Variants in SAMMSON observed in about 807,000 individuals in gnomAD.
SAMMSON encodes survival associated mitochondrial melanoma specific oncogenic non-coding RNA.
At chr3:70,246,846 CT>C (rs1267049788) in intron 4 of SAMMSON, among the ~76,000 whole-genome samples, 2 of 151,938 alleles carry the variant, frequency 1.3e-5, no homozygotes, top group African/African-American at 4.8e-5. Context: ...TAAAACAACC[CT>C]ACCATCTTAA....
intron 4 of SAMMSON, among the ~76,000 whole-genome samples, chr3:70,162,073 C>G (rs983373852): frequency 4.0e-5 from 6 of 151,486 alleles, no homozygotes; most frequent in African/African-American, 1.5e-4. Flanking sequence ...TCAGTGATTC[C>G]AAAAAACAAT....
intron 4 of SAMMSON, among the ~76,000 whole-genome samples, chr3:70,120,904 T>C (rs1276728154): frequency 2.0e-5 from 3 of 152,162 alleles, no homozygotes; most frequent in African/African-American, 4.8e-5. Context: ...GCGCATTACA[T>C]TTATTGTGCA....
chr3:70,153,091 A>G (rs1444104545), intron 4 of SAMMSON, among the ~76,000 whole-genome samples: 1 of 151,920 alleles, frequency 6.6e-6, no homozygotes, highest in South Asian at 2.1e-4. Flanking sequence ...AGTTATATAT[A>G]TTATACACAT....
At chr3:70,242,925 A>G (rs1701676108) in intron 4 of SAMMSON, among the ~76,000 whole-genome samples, 2 of 152,138 alleles carry the variant, frequency 1.3e-5, no homozygotes, top group African/African-American at 4.8e-5. Context: ...CAGGTGGGTA[A>G]AAAACAACCA....
intron 1 of SAMMSON, among the ~76,000 whole-genome samples, chr3:70,005,369 C>T (rs905075432): frequency 7.2e-6 from 1 of 138,434 alleles, no homozygotes; most frequent in Non-Finnish European, 1.6e-5. Flanking sequence ...ATGGGGTGGG[C>T]TGGGCTGGGA....
intron 4 of SAMMSON, among the ~76,000 whole-genome samples, chr3:70,208,180 G>A (rs925167711): frequency 6.6e-6 from 1 of 152,088 alleles, no homozygotes; most frequent in East Asian, 1.9e-4. Context: ...AACAGTCCTC[G>A]TGGTTTGGTG....
At chr3:70,384,190 T>A (rs1232632583) in intron 9 of SAMMSON, among the ~76,000 whole-genome samples, 1 of 152,064 alleles carries the variant, frequency 6.6e-6, no homozygotes, top group African/African-American at 2.4e-5. Context: ...ATTTAATCAA[T>A]CCTTTTCAGT....
At chr3:70,046,381 G>T (rs2067127286) in intron 3 of SAMMSON, among the ~76,000 whole-genome samples, 1 of 152,058 alleles carries the variant, frequency 6.6e-6, no homozygotes, top group Non-Finnish European at 1.5e-5. Flanking sequence ...ACTTTTGAGG[G>T]AAATCATTTT....
intron 6 of SAMMSON, among the ~76,000 whole-genome samples, chr3:70,285,457 T>G (rs1702151082): frequency 1.3e-5 from 2 of 152,064 alleles, no homozygotes; most frequent in Admixed American, 1.3e-4. Flanking sequence ...CAGTCTATCA[T>G]TGTTGGACAT....
intron 3 of SAMMSON, chr3:70,065,186 T>G (rs2067205056): frequency 6.6e-6 from 1 of 152,132 alleles, no homozygotes; most frequent in Non-Finnish European, 1.5e-5. Flanking sequence ...TTTATTATCA[T>G]GTAGTTATTA....
chr3:70,305,789 G>C (rs1321741064), intron 7 of SAMMSON, among the ~76,000 whole-genome samples: 1 of 152,220 alleles, frequency 6.6e-6, no homozygotes, highest in Non-Finnish European at 1.5e-5. Context: ...GTCAATAAAT[G>C]TGGGAAAGAT....
intron 7 of SAMMSON, among the ~76,000 whole-genome samples, chr3:70,301,990 T>C (rs1575620544): frequency 2.6e-5 from 4 of 152,136 alleles, no homozygotes; most frequent in Middle Eastern, 3.2e-3. Context: ...GCAGGGTAGC[T>C]ATTTCATTTC....
chr3:70,274,938 T>C (rs1272725090), intron 6 of SAMMSON, among the ~76,000 whole-genome samples: 2 of 152,158 alleles, frequency 1.3e-5, no homozygotes, highest in African/African-American at 4.8e-5. Flanking sequence ...ATGAGTTATA[T>C]AAAAGTGGGA....
chr3:70,156,657 G>A (rs2067593305), intron 4 of SAMMSON, among the ~76,000 whole-genome samples: 2 of 152,082 alleles, frequency 1.3e-5, no homozygotes, highest in African/African-American at 4.8e-5. Flanking sequence ...GAAAACCTTA[G>A]CAAGAACAGT....
At chr3:70,124,814 C>CAAAAAAAAAAAAAAAAA (rs1208323683) in intron 4 of SAMMSON, among the ~76,000 whole-genome samples, 29 of 53,696 alleles carry the variant, frequency 5.4e-4, no homozygotes, top group Non-Finnish European at 7.1e-4. Context: ...GACTCCATCT[C>CAAAAAAAAAAAAAAAAA]AAAAAAAAAA....
At chr3:70,110,295 A>G (rs146489165) in intron 4 of SAMMSON, among the ~76,000 whole-genome samples, 113 of 152,278 alleles carry the variant, frequency 7.4e-4, no homozygotes, top group Non-Finnish European at 9.6e-4. Context: ...ACAAATGCTG[A>G]TTGTCCTAGA....
chr3:70,127,677 T>C (rs1296854420), intron 4 of SAMMSON: 4 of 152,130 alleles, frequency 2.6e-5, no homozygotes, highest in African/African-American at 4.8e-5. Flanking sequence ...AATCTTGCTC[T>C]GTCACCCAGG....
chr3:70,142,977 T>TA (rs1382796668), intron 4 of SAMMSON, among the ~76,000 whole-genome samples: 2 of 152,096 alleles, frequency 1.3e-5, no homozygotes, highest in African/African-American at 4.8e-5. Flanking sequence ...CAAGTGATGA[T>TA]AAAAAAAGAC....
intron 4 of SAMMSON, chr3:70,196,994 C>T (rs1321640766): frequency 2.5e-6 from 1 of 398,410 alleles, no homozygotes; most frequent in Non-Finnish European, 4.4e-6. Flanking sequence ...TGGCAAGATT[C>T]AAAAAGGCTG....
Sources: gnomAD v4.1 joint callset for allele counts (sites outside exome capture counted in the v4.1 genomes callset) on GRCh38, gnomAD v4.1.1 for gene constraint, MANE v1.5 for transcripts, NCBI Gene and HGNC (gene_info 2026-07-23, HGNC 2026-07-21) for gene names.